Variants in REEP1 observed in about 807,000 individuals in gnomAD.
REEP1 encodes receptor expression-enhancing protein 1.
REEP1 carries 22 observed loss-of-function variants against 40.3 expected under a neutral mutation model. The ratio of observed to expected loss-of-function variants is 0.55; its 90% CI spans 0.39 to 0.78. The LOEUF is 0.78. REEP1 is among the 30% of genes least tolerant of loss of function. The pLI, the probability that REEP1 is intolerant of heterozygous loss-of-function variation, is 0.00. For synonymous variants in REEP1, 116 were observed against 139.2 expected, an observed-to-expected ratio of 0.83 and a Z score of 1.17; for missense variants, 280 against 361.1, an observed-to-expected ratio of 0.78 and a Z score of 1.82.
chr2:86,321,876 GA>G (rs1414671691), intron 1 of REEP1, among the ~76,000 whole-genome samples: 1 of 152,204 alleles, frequency 6.6e-6, no homozygotes, highest in Non-Finnish European at 1.5e-5. Context: ...AACAAGACAA[GA>G]GTGTCTGCCT....
chr2:86,292,155 T>C (rs1341289041), intron 1 of REEP1, among the ~76,000 whole-genome samples: 5 of 152,160 alleles, frequency 3.3e-5, no homozygotes, highest in Admixed American at 1.3e-4. Flanking sequence ...CAAGCATGCT[T>C]CTTAACTACT....
chr2:86,302,455 T>G (rs1417717110), intron 1 of REEP1, among the ~76,000 whole-genome samples: 1 of 152,196 alleles, frequency 6.6e-6, no homozygotes, highest in African/African-American at 2.4e-5. Flanking sequence ...GGGGAGACAA[T>G]TTGGCATTAT....
intron 2 of REEP1, among the ~76,000 whole-genome samples, 167 bp downstream of exon 2, chr2:86,282,003 G>A (rs1678121045): frequency 6.6e-6 from 1 of 152,174 alleles, no homozygotes; most frequent in African/African-American, 2.4e-5. Context: ...GCAGGGGAAG[G>A]TCTAGACAGA....
rs189625731 is a variant in REEP1 at position 86,219,993 on chromosome 2, G to A, written c.760C>T (p.Arg254Ter). The A allele has an allele frequency of 1.5e-5, 19 of 1,232,158 alleles. No homozygotes were observed. In the African/African-American group the frequency reaches 2.5e-4, roughly 16 times the overall value. 76.3% of individuals were successfully genotyped at this position (1,232,158 alleles called of 1,614,324 possible). Reference sequence around the variant, plus strand: ...ACCTCCAGGGGCAATTCCATCCTTCGAGGTGCTTTATACTTGTACATGAAA... The same window carrying A: ...ACCTCCAGGGGCAATTCCATCCTTCAAGGTGCTTTATACTTGTACATGAAA... ...LDFMYKYKAP[R>*]RMELPLEAPP... The change falls in exon 8 of 9, where the codon CGA becomes TGA. Residue 254 changes from arginine to a stop codon, truncating the protein, a stop_gained. Coordinates refer to ENST00000538924, the MANE Select transcript of REEP1 (RefSeq NM_001371279.1). LOFTEE classifies it high-confidence loss of function.
At chr2:86,337,965 C>T (rs1439420053), upstream of REEP1, 29 of 1,443,132 alleles carry the variant, frequency 2.0e-5, no homozygotes, top group Non-Finnish European at 2.7e-5. The surrounding 1 kb of genome is among the most constrained non-coding windows in gnomAD (Gnocchi z 5.8). Flanking sequence ...CTGCACCTGT[C>T]TAGGTGGGAT....
chr2:86,231,715 A>C (rs1675027166), intron 6 of REEP1, among the ~76,000 whole-genome samples: 2 of 150,082 alleles, frequency 1.3e-5, no homozygotes, highest in African/African-American at 2.4e-5. Context: ...CCCCCCCACC[A>C]TCAGTCCTGG....
At chr2:86,228,554 G>A (rs1674846923) in intron 6 of REEP1, among the ~76,000 whole-genome samples, 1 of 151,672 alleles carries the variant, frequency 6.6e-6, no homozygotes, top group African/African-American at 2.4e-5. Context: ...TGCCTCCCGG[G>A]TTCAAGCAAT....
chr2:86,297,624 A>G, intron 1 of REEP1: 1 of 850,930 alleles, frequency 1.2e-6, no homozygotes, highest in Non-Finnish European at 1.4e-6. Flanking sequence ...ACTACCTGCA[A>G]GAGAGATTCT....
chr2:86,297,368 G>A (rs1167494533), intron 1 of REEP1, among the ~76,000 whole-genome samples: 1 of 152,202 alleles, frequency 6.6e-6, no homozygotes, highest in Admixed American at 6.5e-5. Flanking sequence ...TGCAAAATGT[G>A]GTGTCAAATG....
At chr2:86,318,723 G>A (rs1210694573) in intron 1 of REEP1, among the ~76,000 whole-genome samples, 1 of 151,998 alleles carries the variant, frequency 6.6e-6, no homozygotes, top group Non-Finnish European at 1.5e-5. Flanking sequence ...GAGAACCACT[G>A]GTATAGGAGA....
chr2:86,291,547 T>A (rs1385079587), intron 1 of REEP1, among the ~76,000 whole-genome samples: 1 of 152,068 alleles, frequency 6.6e-6, no homozygotes, highest in East Asian at 1.9e-4. Flanking sequence ...AACTCTTCCT[T>A]GGGTAACCCA....
intron 8 of REEP1, among the ~76,000 whole-genome samples, chr2:86,219,573 G>A (rs1156539737): frequency 6.6e-6 from 1 of 151,302 alleles, no homozygotes; most frequent in Non-Finnish European, 1.5e-5. Context: ...AGTTTCCCAA[G>A]CAGCTGGGAC....
chr2:86,229,637 T>C (rs565184306), intron 6 of REEP1, among the ~76,000 whole-genome samples: 11 of 149,764 alleles, frequency 7.3e-5, no homozygotes, highest in African/African-American at 2.5e-4. Flanking sequence ...AAGATGGAGT[T>C]TCACTCTTGT....
intron 5 of REEP1, among the ~76,000 whole-genome samples, chr2:86,241,588 G>A (rs1675667490): frequency 6.6e-6 from 1 of 152,180 alleles, no homozygotes; most frequent in African/African-American, 2.4e-5. Flanking sequence ...GCCAGGAAGT[G>A]TCAGTTTAGG....
intron 5 of REEP1, among the ~76,000 whole-genome samples, chr2:86,245,723 C>A (rs557763057): frequency 6.6e-6 from 1 of 151,978 alleles, no homozygotes; most frequent in African/African-American, 2.4e-5. Flanking sequence ...ACTTCAGCTA[C>A]CCTATGGGTG....
At chr2:86,300,458 G>A (rs574272367) in intron 1 of REEP1, among the ~76,000 whole-genome samples, 2 of 152,272 alleles carry the variant, frequency 1.3e-5, no homozygotes, top group South Asian at 4.1e-4. Flanking sequence ...TGAACTAAAG[G>A]AATATAAACT....
intron 1 of REEP1, among the ~76,000 whole-genome samples, chr2:86,332,735 G>A (rs1275217913): frequency 6.6e-6 from 1 of 152,186 alleles, no homozygotes; most frequent in African/African-American, 2.4e-5. Context: ...CAGACAGGCA[G>A]GATTAGCAAA....
chr2:86,264,224 G>A (rs1212831978), intron 2 of REEP1, among the ~76,000 whole-genome samples, 183 bp from the exon 3 acceptor site: 1 of 152,138 alleles, frequency 6.6e-6, no homozygotes, highest in Non-Finnish European at 1.5e-5. Flanking sequence ...CTTGAAGCTG[G>A]AAGCAAATGG....
At chr2:86,301,384 TCAGA>T (rs1462601820) in intron 1 of REEP1, among the ~76,000 whole-genome samples, 3 of 152,330 alleles carry the variant, frequency 2.0e-5, no homozygotes, top group Admixed American at 2.0e-4. Context: ...GGCTTTGCAG[TCAGA>T]CATAGATTCT....
Sources: gnomAD v4.1 joint callset for allele counts (sites outside exome capture counted in the v4.1 genomes callset) on GRCh38, gnomAD v4.1.1 for gene constraint, Gnocchi (gnomAD v3.1) non-coding constraint, MANE v1.5 for transcripts, NCBI Gene and HGNC (gene_info 2026-07-23, HGNC 2026-07-21) for gene names.